SLCO3A1: variants seen among roughly 807,000 people sequenced by gnomAD.
The protein encoded by SLCO3A1 is solute carrier organic anion transporter family member 3A1, also known as PGE1 transporter.
Under a neutral mutation model 63.1 loss-of-function variants are expected in SLCO3A1, and 27 were observed. The ratio of observed to expected loss-of-function variants is 0.43; its 90% CI spans 0.32 to 0.59. The LOEUF is 0.59. SLCO3A1 is among the 20% of genes least tolerant of loss of function. SLCO3A1 has a pLI of 0.09. For synonymous variants in SLCO3A1, 473 were observed against 409.9 expected, an observed-to-expected ratio of 1.15 and a Z score of -1.86; for missense variants, 773 against 945.8, an observed-to-expected ratio of 0.82 and a Z score of 2.40.
intron 2 of SLCO3A1, among the ~76,000 whole-genome samples, chr15:92,028,337 GC>G (rs1409166457): frequency 6.6e-6 from 1 of 152,108 alleles, no homozygotes; most frequent in Non-Finnish European, 1.5e-5. Context: ...ACCAAAATCT[GC>G]CCCCCACCCT....
intron 2 of SLCO3A1, among the ~76,000 whole-genome samples, chr15:91,973,175 G>C (rs1440751907): frequency 6.6e-6 from 1 of 152,186 alleles, no homozygotes; most frequent in Non-Finnish European, 1.5e-5. Context: ...GCAAAAGGGT[G>C]GGGATTGCAA....
At position 91,860,579 on chromosome 15, in the gene SLCO3A1, T is replaced by C. The variant is rs1367519750; in HGVS notation, c.180+6491T>C. Among the ~76,000 whole-genome samples, 1 of 152,224 alleles carries C rather than the reference T, an allele frequency of 6.6e-6. No individual in the cohort carries two copies. Among genetic ancestry groups the C allele is most frequent in the African/African-American group, 2.4e-5 (1 of 41,456 alleles). ...AGGCCAAGGCTTCTGTTTCCTAAAC[T>C]GGTGATCTGGGCTCCTGAAGCTTGC... is the stretch of plus-strand genomic sequence containing the variant. On this transcript the variant is annotated intron_variant, in intron 1 of 9. Transcript: ENST00000318445. The surrounding 1 kb of genome is among the most constrained non-coding windows in gnomAD (Gnocchi z 5.5).
chr15:92,000,791 G>C (rs573790223), intron 2 of SLCO3A1, among the ~76,000 whole-genome samples: 1 of 152,310 alleles, frequency 6.6e-6, no homozygotes, highest in African/African-American at 2.4e-5. Flanking sequence ...GTACCGGAAG[G>C]TGTTTGTGCA....
chr15:92,053,665 T>C (rs1005472191), intron 2 of SLCO3A1, among the ~76,000 whole-genome samples: 1 of 113,766 alleles, frequency 8.8e-6, no homozygotes, highest in African/African-American at 3.1e-5. Flanking sequence ...TCAGTTGTGA[T>C]TTTATGTTTT....
intron 4 of SLCO3A1, among the ~76,000 whole-genome samples, chr15:92,106,137 A>T (rs2047664856): frequency 6.6e-6 from 1 of 152,254 alleles, no homozygotes; most frequent in Non-Finnish European, 1.5e-5. Context: ...GTCCATGAGA[A>T]ATCTCAAGAA....
chr15:91,918,875 CAT>C (rs1425767726), intron 2 of SLCO3A1, among the ~76,000 whole-genome samples: 1 of 152,242 alleles, frequency 6.6e-6, no homozygotes, highest in Non-Finnish European at 1.5e-5. Flanking sequence ...GGAGGAATAA[CAT>C]GTGTACCCCT....
chr15:92,145,117 C>T (rs577614799), intron 7 of SLCO3A1, among the ~76,000 whole-genome samples: 2 of 152,104 alleles, frequency 1.3e-5, no homozygotes, highest in African/African-American at 2.4e-5. Context: ...CTGGGAGCTC[C>T]GGGGAGAGAA....
intron 2 of SLCO3A1, among the ~76,000 whole-genome samples, chr15:92,054,529 G>A (rs1487409782): frequency 6.6e-6 from 1 of 152,072 alleles, no homozygotes; most frequent in African/African-American, 2.4e-5. Flanking sequence ...GTGCCATGGT[G>A]GTTTGCTGCA....
chr15:91,868,589 G>A (rs1339705968), intron 1 of SLCO3A1, among the ~76,000 whole-genome samples: 1 of 152,164 alleles, frequency 6.6e-6, no homozygotes, highest in African/African-American at 2.4e-5. Flanking sequence ...GGTAAAGGAT[G>A]TGGGCTTTGG....
chr15:92,143,026 A>G (rs74028820), intron 7 of SLCO3A1, among the ~76,000 whole-genome samples: 23,443 of 151,766 alleles, frequency 0.15, 2,537 homozygotes, highest in African/African-American at 0.3. Context: ...TCCAGTGCCC[A>G]TATCACATTC....
intron 2 of SLCO3A1, among the ~76,000 whole-genome samples, chr15:92,062,206 C>T (rs1201999041): frequency 1.3e-5 from 2 of 152,146 alleles, no homozygotes; most frequent in Non-Finnish European, 2.9e-5. Flanking sequence ...GATTCTGTTC[C>T]GGGAAGGGTT....
chr15:92,024,017 C>G (rs2046541205), intron 2 of SLCO3A1, among the ~76,000 whole-genome samples: 1 of 152,124 alleles, frequency 6.6e-6, no homozygotes, highest in Non-Finnish European at 1.5e-5. Flanking sequence ...GCCATGTGGT[C>G]CCTGGTTCCT....
At chr15:92,080,185 T>C (rs980063644) in intron 2 of SLCO3A1, among the ~76,000 whole-genome samples, 3 of 152,148 alleles carry the variant, frequency 2.0e-5, no homozygotes, top group Non-Finnish European at 4.4e-5. Context: ...CTTTGTGGGA[T>C]ATCGTTATAC....
chr15:92,024,002 G>T (rs1408554638), intron 2 of SLCO3A1, among the ~76,000 whole-genome samples: 3 of 152,132 alleles, frequency 2.0e-5, no homozygotes, highest in African/African-American at 7.2e-5. Flanking sequence ...CAGTGAATCT[G>T]TTGGGCCATG....
chr15:91,886,925 T>C lies in SLCO3A1; in HGVS notation c.181-29068T>C, dbSNP rs1400235755. On this transcript the variant is annotated intron_variant, in intron 1 of 9. Transcript: ENST00000318445. The surrounding 1 kb of genome is among the most constrained non-coding windows in gnomAD (Gnocchi z 4.9). Reference sequence around the variant, plus strand: ...AGGCTCAGGAGGTTAAAAATTCTGCTTACAGCTGAAGTTGCAGTTGCGTGG... The same window carrying C: ...AGGCTCAGGAGGTTAAAAATTCTGCCTACAGCTGAAGTTGCAGTTGCGTGG... 1.3e-5 allele frequency among the ~76,000 whole-genome samples: 2 copies of C among 152,212 alleles called. No individual in the cohort carries two copies. The highest frequency in any genetic ancestry group is 4.8e-5 in the African/African-American group (2 of 41,458).
rs549516201 is a variant in SLCO3A1 at position 91,882,267 on chromosome 15, G to A, written c.180+28179G>A. Reference sequence around the variant, plus strand: ...AGTTTATGTCTCCCTTCTCAAGCACGCAGTCAGGATGTGCATTTGCTGAGT... The same window carrying A: ...AGTTTATGTCTCCCTTCTCAAGCACACAGTCAGGATGTGCATTTGCTGAGT... On this transcript the variant is annotated intron_variant, in intron 1 of 9. Transcript: ENST00000318445. This position sits in a 1 kb window ranked among gnomAD's most constrained non-coding sequence, Gnocchi z 4.4. Among the ~76,000 whole-genome samples, 2 of 152,298 alleles carry A rather than the reference G, an allele frequency of 1.3e-5. No homozygotes were observed. The highest frequency in any genetic ancestry group is 1.9e-4 in the East Asian group (1 of 5,182).
At chr15:91,991,108 G>T (rs1490947612) in intron 2 of SLCO3A1, among the ~76,000 whole-genome samples, 2 of 152,168 alleles carry the variant, frequency 1.3e-5, no homozygotes, top group Non-Finnish European at 2.9e-5. Context: ...AATGGCTCAC[G>T]CCTGTAATCC....
rs772186894 is a variant in SLCO3A1, at chr15:92,151,021, A to G, written c.1753+7A>G. ...CTCCTCCTTCGTTTGTTGGGTATGTATTATCTCTTTATTTCCTCAATAATG... is the reference window on the plus strand; with the variant it reads ...CTCCTCCTTCGTTTGTTGGGTATGTGTTATCTCTTTATTTCCTCAATAATG... On this transcript the variant is annotated splice_region_variant and intron_variant, in intron 9 of 9. Coordinates refer to ENST00000318445, the MANE Select transcript of SLCO3A1 (RefSeq NM_013272.4). 1.9e-6 allele frequency: 3 copies of G among 1,596,554 alleles called. 1 individual carries two copies. The South Asian group carries it at 3.3e-5, about 18-fold the overall frequency.
At chr15:92,003,292 T>C (rs1347362028) in intron 2 of SLCO3A1, among the ~76,000 whole-genome samples, 1 of 152,236 alleles carries the variant, frequency 6.6e-6, no homozygotes, top group Non-Finnish European at 1.5e-5. Flanking sequence ...TAATTGATGG[T>C]TGAACACTGA....
Sources: allele counts gnomAD v4.1 joint callset (sites outside exome capture counted in the v4.1 genomes callset), GRCh38; gene constraint gnomAD v4.1.1; non-coding constraint Gnocchi (gnomAD v3.1); transcripts MANE v1.5; gene names NCBI Gene and HGNC (gene_info 2026-07-23, HGNC 2026-07-21).